The following BIRC6 variants were observed in gnomAD, a reference collection of about 807,000 sequenced individuals.
BIRC6 encodes the protein baculoviral IAP repeat containing 6, also known as dual E2 ubiquitin-conjugating enzyme/E3 ubiquitin-protein ligase BIRC6.
A neutral mutation model predicts 503.3 loss-of-function variants in BIRC6; 98 were observed. The observed-to-expected ratio is 0.19, with a 90% CI of 0.17 to 0.23. The LOEUF (loss-of-function observed/expected upper bound fraction) is 0.23. Among genes scored for constraint, BIRC6 ranks in the 10% least tolerant of loss-of-function variants. BIRC6 has a pLI of 1.00. For synonymous variants in BIRC6, 2,240 were observed against 2,078.7 expected (o/e 1.08, Z -2.11); for missense variants, 5,360 against 5,806.0 (o/e 0.92, Z 2.50).
chr2:32,438,599 G>A (rs371719105), intron 15 of BIRC6, among the ~76,000 whole-genome samples: 2 of 135,692 alleles, frequency 1.5e-5, no homozygotes, highest in Non-Finnish European at 3.1e-5. Flanking sequence ...TTGCTCTGTC[G>A]CCCAGGCTGG....
Position 32,509,964 on chromosome 2 carries a change from A to G in BIRC6, c.10207A>G (p.Asn3403Asp). The change falls in exon 52 of 74, where the codon AAT (asparagine) becomes GAT (aspartate). Residue 3403 changes from asparagine (N) to aspartate (D), a missense_variant. Asn to Asp is a conservative substitution (Grantham distance 23). Around this residue, in one of 16 missense-constraint regions of BIRC6, gnomAD observed 878 missense variants for 928.9 expected, o/e 0.95. Transcript: ENST00000421745. ...GLKLIDILLR[N>D]CAASGSDPTD... is the part of the protein sequence containing the mutation. ...GAAGCTCATAGACATTCTCCTGAGA[A>G]ATTGTGCAGCATCAGGCAGTGATCC... The G allele has an allele frequency of 6.2e-7, 1 of 1,614,036 alleles. No individual in the cohort carries two copies. The highest frequency in any genetic ancestry group is 1.1e-5 in the South Asian group (1 of 91,080).
intron 62 of BIRC6, among the ~76,000 whole-genome samples, chr2:32,544,361 A>G (rs975321304): frequency 2.1e-4 from 32 of 152,054 alleles, no homozygotes; most frequent in Admixed American, 5.2e-4. Flanking sequence ...GAATAATAAG[A>G]GAAAGCTGTG....
chr2:32,407,159 A>C (rs986414948), intron 9 of BIRC6, among the ~76,000 whole-genome samples: 4 of 152,008 alleles, frequency 2.6e-5, no homozygotes, highest in Admixed American at 2.0e-4. Context: ...GAGTTTTAAG[A>C]ATTAGGCCAG....
In BIRC6 at chr2:32,436,188, A is replaced by G; in HGVS notation, c.3631+4A>G. ...ACAAGCCCCAAACTTGTTAAAGGTGAAGTAATACATTTTACAAAAGCAGAA... is the reference window on the plus strand; with the variant it reads ...ACAAGCCCCAAACTTGTTAAAGGTGGAGTAATACATTTTACAAAAGCAGAA... On this transcript the variant is annotated splice_donor_region_variant and intron_variant, in intron 15 of 73. Coordinates refer to ENST00000421745, the MANE Select transcript of BIRC6 (RefSeq NM_016252.4). The G allele has an allele frequency of 7.1e-7, 1 of 1,417,882 alleles. No individual in the cohort carries two copies. Among genetic ancestry groups the G allele is most frequent in the Non-Finnish European group, 9.4e-7 (1 of 1,067,640 alleles). 87.8% of individuals were successfully genotyped at this position (1,417,882 alleles called of 1,614,324 possible).
rs2060184215 is a variant in BIRC6, at chr2:32,575,227, G to A, written c.13216G>A (p.Ala4406Thr). 6.2e-7 allele frequency: 1 copy of A among 1,613,858 alleles called. No homozygotes were observed. The change falls in exon 66 of 74, where the codon GCT becomes ACT. Residue 4406 changes from alanine (A) to threonine (T), a missense_variant. By Grantham distance (58) the Ala-to-Thr change is moderately conservative (BLOSUM62 0). Transcript: ENST00000421745. ...LELLRAIASC[A>T]AMVPLLLPLS... ...ATTGCTTCGGGCCATTGCTTCTTGT[G>A]CTGCCATGGTGCCCCTATTGTTGCC...
intron 62 of BIRC6, among the ~76,000 whole-genome samples, 154 bp from the exon 63 acceptor site, chr2:32,545,489 A>T (rs530536928): frequency 6.6e-6 from 1 of 152,252 alleles, no homozygotes; most frequent in Admixed American, 6.5e-5. Context: ...AAATTTTAAG[A>T]TATTACTGTT....
chr2:32,388,712 G>C (rs2038832059), intron 3 of BIRC6, 38 bp from the exon 4 acceptor site: 1 of 1,429,008 alleles, frequency 7.0e-7, no homozygotes, highest in Non-Finnish European at 9.4e-7. Context: ...AAACTGTTGA[G>C]TACATTTTCC....
chr2:32,480,429 T>C (rs1359326818), intron 37 of BIRC6, among the ~76,000 whole-genome samples: 2 of 152,088 alleles, frequency 1.3e-5, no homozygotes, highest in African/African-American at 4.8e-5. Flanking sequence ...CATGTACTTA[T>C]ACTCAAACCC....
intron 9 of BIRC6, among the ~76,000 whole-genome samples, chr2:32,409,554 C>G (rs534734303): frequency 1.3e-5 from 2 of 152,190 alleles, no homozygotes; most frequent in South Asian, 4.1e-4. Flanking sequence ...TCTAAGAGGA[C>G]TGCATAGGGA....
At chr2:32,518,188 A>T in intron 55 of BIRC6, 66 bp from the exon 56 acceptor site, 1 of 1,425,394 alleles carries the variant, frequency 7.0e-7, no homozygotes, top group Non-Finnish European at 9.6e-7. Flanking sequence ...TTTCCTTTTT[A>T]TCTTTCAAAA....
chr2:32,430,877 T>G lies in BIRC6; in HGVS notation c.3035T>G (p.Leu1012Trp). Reference protein sequence around the residue: ...SSPGISGVDLLVDQPFTLEIL... With the variant: ...SSPGISGVDLWVDQPFTLEIL... ...CACTAATGTTAAGGAGTTGATTTAT[T>G]GGTGGACCAGCCATTCACCCTTGAA... Residue 1012 changes from leucine to tryptophan, a missense_variant, in exon 12 of 74, where the codon TTG becomes TGG. Physicochemically the swap from Leu to Trp is moderately conservative, Grantham distance 61. Around this residue, in one of 16 missense-constraint regions of BIRC6, gnomAD observed 700 missense variants for 739.3 expected, o/e 0.95. Coordinates refer to ENST00000421745, the MANE Select transcript of BIRC6 (RefSeq NM_016252.4). 1 of 1,610,916 alleles carries G rather than the reference T, an allele frequency of 6.2e-7. No homozygotes were observed. Among genetic ancestry groups the G allele is most frequent in the Non-Finnish European group, 8.5e-7 (1 of 1,178,120 alleles).
chr2:32,537,951 C>A (rs531056340), intron 61 of BIRC6, among the ~76,000 whole-genome samples: 2 of 149,916 alleles, frequency 1.3e-5, no homozygotes, highest in African/African-American at 4.9e-5. Flanking sequence ...TGGGCGACAG[C>A]GAGACTCCGT....
At chr2:32,507,316 A>G (rs1292151253) in intron 50 of BIRC6, among the ~76,000 whole-genome samples, 3 of 152,242 alleles carry the variant, frequency 2.0e-5, no homozygotes, top group African/African-American at 4.8e-5. Flanking sequence ...TGTAGTTCCA[A>G]CTACTCTGGA....
chr2:32,446,612 C>T (rs1413271481), intron 21 of BIRC6, among the ~76,000 whole-genome samples: 1 of 151,954 alleles, frequency 6.6e-6, no homozygotes, highest in Non-Finnish European at 1.5e-5. Flanking sequence ...ACCTTAGTTG[C>T]CAGCTTATTG....
intron 6 of BIRC6, among the ~76,000 whole-genome samples, chr2:32,396,066 A>G (rs2039840805): frequency 6.6e-6 from 1 of 152,172 alleles, no homozygotes; most frequent in Non-Finnish European, 1.5e-5. Flanking sequence ...TCATTTTTAC[A>G]AATAACTATT....
At position 32,471,034 on chromosome 2, in the gene BIRC6, A is replaced by T. The variant is rs1249899545; in HGVS notation, c.6502A>T (p.Ile2168Phe). 6.3e-7 allele frequency: 1 copy of T among 1,575,968 alleles called. No homozygotes were observed. Among genetic ancestry groups the T allele is most frequent in the South Asian group, 1.2e-5 (1 of 85,900 alleles). ...TCCAGGAGTACTAGATATTCCCATG[A>T]TCAGTTGGGTTGTTATGCTGGTGTC... ...RTEGVLDIPM[I>F]SWVVMLVSRL... is the part of the protein sequence containing the mutation. Residue 2168 changes from isoleucine (I) to phenylalanine (F), a missense_variant, in exon 32 of 74, where the codon ATC becomes TTC. Physicochemically the swap from Ile to Phe is conservative, Grantham distance 21. Transcript: ENST00000421745.
At chr2:32,493,499 T>TA (rs774288012) in intron 44 of BIRC6, 41 bp from the exon 45 acceptor site, 35 of 1,531,242 alleles carry the variant, frequency 2.3e-5, no homozygotes, top group Non-Finnish European at 3.1e-5. Context: ...TTTTACATGT[T>TA]ACCAGTAAGC....
chr2:32,465,504 A>G lies in BIRC6; in HGVS notation c.5356+340A>G, dbSNP rs1168227655. Reference sequence around the variant, plus strand: ...TTCCTAAAACTAGCCTTCTTATAGTAGAACTCTTTCTTGAGAAGAGCAAAC... The same window carrying G: ...TTCCTAAAACTAGCCTTCTTATAGTGGAACTCTTTCTTGAGAAGAGCAAAC... On this transcript the variant is annotated intron_variant, in intron 26 of 73. Transcript: ENST00000421745. Among the ~76,000 whole-genome samples, 7 of 152,252 alleles carry G rather than the reference A, an allele frequency of 4.6e-5. No homozygotes were observed. In the East Asian group the frequency reaches 7.7e-4, roughly 17 times the overall value.
chr2:32,478,614 A>C, intron 35 of BIRC6, 21 bp from the exon 36 acceptor site: 1 of 1,590,760 alleles, frequency 6.3e-7, no homozygotes, highest in South Asian at 1.1e-5. Context: ...TAAGTGTATG[A>C]TTTTATAAAA....
Sources: allele counts gnomAD v4.1 joint callset (sites outside exome capture counted in the v4.1 genomes callset), GRCh38; gene constraint gnomAD v4.1.1; regional missense constraint gnomAD v4.1.1; transcripts MANE v1.5; gene names NCBI Gene and HGNC (gene_info 2026-07-23, HGNC 2026-07-21).